GABBR1: variants seen among roughly 807,000 people sequenced by gnomAD.
GABBR1 encodes gamma-aminobutyric acid type B receptor subunit 1.
Under a neutral mutation model 117.7 loss-of-function variants are expected in GABBR1, and 35 were observed. The observed-to-expected ratio is 0.30, with a 90% CI of 0.23 to 0.39. The LOEUF (loss-of-function observed/expected upper bound fraction) is 0.39. Among genes scored for constraint, GABBR1 ranks in the 10% least tolerant of loss-of-function variants. The pLI is 1.00. For missense variants in GABBR1, 709 were observed against 1,241.8 expected (o/e 0.57, Z 6.45); for synonymous variants, 442 against 486.6 (o/e 0.91, Z 1.21).
Position 29,631,420 on chromosome 6 carries a change from C to T in GABBR1, c.265G>A (p.Asp89Asn). 6.2e-7 allele frequency: 1 copy of T among 1,614,114 alleles called. No homozygotes were observed. The highest frequency in any genetic ancestry group is 8.5e-7 in the Non-Finnish European group (1 of 1,180,028). Residue 89 changes from aspartate to asparagine, a missense_variant, in exon 3 of 23, where the codon GAT (aspartate) becomes AAT (asparagine). Physicochemically the swap from Asp to Asn is conservative, Grantham distance 23 (BLOSUM62 1). This residue lies in a region of GABBR1 where 101 missense variants were observed against 132.3 expected (regional missense o/e 0.76). Coordinates refer to ENST00000377034, the MANE Select transcript of GABBR1 (RefSeq NM_001470.4). The surrounding 1 kb of genome is among the most constrained non-coding windows in gnomAD (Gnocchi z 5.9). The part of the protein sequence containing the change: ...RKCLANGSWT[D>N]MDTPSRCVRI... ...CCACAGCGGCTGGGTGTGTCCATATCTGTCCAGGAGCCGTTGGCCAGGCAC... is the reference window on the plus strand; with the variant it reads ...CCACAGCGGCTGGGTGTGTCCATATTTGTCCAGGAGCCGTTGGCCAGGCAC...
chr6:29,627,944 T>C lies in GABBR1; in HGVS notation c.497-298A>G. 1 of 1,348,046 alleles carries C rather than the reference T, an allele frequency of 7.4e-7. No homozygotes were observed. Among genetic ancestry groups the C allele is most frequent in the Non-Finnish European group, 9.4e-7 (1 of 1,059,384 alleles). 83.5% of individuals were successfully genotyped at this position (1,348,046 alleles called of 1,614,324 possible). On this transcript the variant is annotated intron_variant, in intron 5 of 22. Coordinates refer to ENST00000377034, the MANE Select transcript of GABBR1 (RefSeq NM_001470.4). This position sits in a 1 kb window ranked among gnomAD's most constrained non-coding sequence, Gnocchi z 4.4. ...GAGGGCCCCGGAGAAGCAGGGAAGG[T>C]TGGCTTCCTACGGCCCCCGCGGCTC... is the stretch of plus-strand genomic sequence containing the variant.
Position 29,611,145 on chromosome 6 carries a change from C to G in GABBR1, c.1631-144G>C. The stretch of plus-strand genomic sequence containing the variant: ...AGGCCCTAAGGATGCTTGGAAGGAC[C>G]TACGAGACTCTTGAATCAGCAACAT... On this transcript the variant is annotated intron_variant, in intron 13 of 22. Coordinates refer to ENST00000377034, the MANE Select transcript of GABBR1 (RefSeq NM_001470.4). The surrounding 1 kb of genome is among the most constrained non-coding windows in gnomAD (Gnocchi z 4.6). The G allele has an allele frequency of 1.6e-6, 1 of 610,208 alleles. No individual in the cohort carries two copies. Among genetic ancestry groups the G allele is most frequent in the South Asian group, 2.1e-5 (1 of 47,000 alleles). 37.8% of individuals were successfully genotyped at this position (610,208 alleles called of 1,614,324 possible).
chr6:29,630,425 C>T lies in GABBR1; in HGVS notation c.475+33G>A. 6.3e-7 allele frequency: 1 copy of T among 1,584,798 alleles called. No individual in the cohort carries two copies. The highest frequency in any genetic ancestry group is 8.7e-7 in the Non-Finnish European group (1 of 1,155,802). ...ACTCCCATCCTCACACAAGCGTCCT[C>T]ATCAGCTGCATGCAGGCAGCTGTTC... is the stretch of plus-strand genomic sequence containing the variant. On this transcript the variant is annotated intron_variant, in intron 4 of 22. Coordinates refer to ENST00000377034, the MANE Select transcript of GABBR1 (RefSeq NM_001470.4). This position sits in a 1 kb window ranked among gnomAD's most constrained non-coding sequence, Gnocchi z 4.9.
chr6:29,609,609 T>C lies in GABBR1; in HGVS notation c.1709-230A>G, dbSNP rs1762330562. Among the ~76,000 whole-genome samples, 1 of 151,902 alleles carries C rather than the reference T, an allele frequency of 6.6e-6. No homozygotes were observed. The highest frequency in any genetic ancestry group is 1.9e-4 in the East Asian group (1 of 5,184). On this transcript the variant is annotated intron_variant, in intron 14 of 22. Coordinates refer to ENST00000377034, the MANE Select transcript of GABBR1 (RefSeq NM_001470.4). The surrounding 1 kb of genome is among the most constrained non-coding windows in gnomAD (Gnocchi z 4.3). The stretch of plus-strand genomic sequence containing the variant: ...CCAGAAATGAGATGAGAAGATGGAG[T>C]GAATGGTCTATCCATAGGTTGGGAA...
Position 29,627,343 on chromosome 6 carries a change from C to T in GABBR1, c.657+143G>A. 1.2e-6 allele frequency: 1 copy of T among 822,696 alleles called. No homozygotes were observed. Among genetic ancestry groups the T allele is most frequent in the Non-Finnish European group, 1.9e-6 (1 of 530,614 alleles). 51.0% of individuals were successfully genotyped at this position (822,696 alleles called of 1,614,324 possible). A position where few individuals can be genotyped will look rare whatever the true frequency, so the allele number is the denominator to read the frequency against. On this transcript the variant is annotated intron_variant, in intron 6 of 22. Transcript: ENST00000377034. The surrounding 1 kb of genome is among the most constrained non-coding windows in gnomAD (Gnocchi z 4.4). ...GACTCTCCCCAAGCTCCTGCACCCC[C>T]AGCCCATCTCCTGCCAGTCACACAA...
At chr6:29,628,240 G>T in intron 5 of GABBR1, 1 of 951,542 alleles carries the variant, frequency 1.1e-6, no homozygotes, top group Non-Finnish European at 1.2e-6. Flanking sequence ...AAGAGGAAGG[G>T]AGGGATCTCA....
rs1159335670 is a variant in GABBR1 at position 29,623,056 on chromosome 6, CTA to C, written c.963+247_963+248del. On this transcript the variant is annotated intron_variant, in intron 8 of 22. Coordinates refer to ENST00000377034, the MANE Select transcript of GABBR1 (RefSeq NM_001470.4). This position sits in a 1 kb window ranked among gnomAD's most constrained non-coding sequence, Gnocchi z 6.2. ...TTAACAGAACTGAGTCATTCTGGGTCTATATGTCTGGGGAACAGGGCATCAAA... is the reference window on the plus strand; with the variant it reads ...TTAACAGAACTGAGTCATTCTGGGTCTATGTCTGGGGAACAGGGCATCAAA... Among the ~76,000 whole-genome samples the C allele has an allele frequency of 6.6e-6, 1 of 152,002 alleles. No homozygotes were observed. Among genetic ancestry groups the C allele is most frequent in the African/African-American group, 2.4e-5 (1 of 41,356 alleles).
In GABBR1 at chr6:29,627,858, G is replaced by T. The variant is rs1162414073; in HGVS notation, c.497-212C>A. 7.2e-7 allele frequency: 1 copy of T among 1,393,668 alleles called. No homozygotes were observed. Among genetic ancestry groups the T allele is most frequent in the Non-Finnish European group, 9.3e-7 (1 of 1,080,220 alleles). The allele number at this position is 1,393,668 out of a possible 1,614,324, so 86.3% of individuals were successfully genotyped here. ...TCAGGGGGGACACTTTTCCTGGGGAGGGCTGCTAAGAGGGTGCCGGGGAGG... is the reference window on the plus strand; with the variant it reads ...TCAGGGGGGACACTTTTCCTGGGGATGGCTGCTAAGAGGGTGCCGGGGAGG... On this transcript the variant is annotated intron_variant, in intron 5 of 22. Transcript: ENST00000377034. This position sits in a 1 kb window ranked among gnomAD's most constrained non-coding sequence, Gnocchi z 4.4.
intron 6 of GABBR1, among the ~76,000 whole-genome samples, chr6:29,625,740 G>A (rs1223475034): frequency 1.3e-5 from 2 of 152,098 alleles, no homozygotes; most frequent in Non-Finnish European, 2.9e-5. Flanking sequence ...CACCTGTCAT[G>A]GTGGATGAGT....
chr6:29,627,802 G>T lies in GABBR1; in HGVS notation c.497-156C>A. ...GGCCCCGGGCCCCATGGCGTGGGGG[G>T]CAGGGGTAGCTGTTGGGGAGCGTTA... On this transcript the variant is annotated intron_variant, in intron 5 of 22. Transcript: ENST00000377034. This position sits in a 1 kb window ranked among gnomAD's most constrained non-coding sequence, Gnocchi z 4.4. 2 of 1,432,784 alleles carry T rather than the reference G, an allele frequency of 1.4e-6. No homozygotes were observed. Among genetic ancestry groups the T allele is most frequent in the Non-Finnish European group, 1.8e-6 (2 of 1,095,204 alleles). The allele number at this position is 1,432,784 out of a possible 1,614,324, so 88.8% of individuals were successfully genotyped here.
Position 29,630,791 on chromosome 6 carries a change from C to T in GABBR1, c.290-148G>A. The T allele has an allele frequency of 1.6e-6, 1 of 643,146 alleles. No homozygotes were observed. The highest frequency in any genetic ancestry group is 2.7e-5 in the East Asian group (1 of 36,384). The allele number at this position is 643,146 out of a possible 1,614,324, so 39.8% of individuals were successfully genotyped here. Reference sequence around the variant, plus strand: ...TGAAAAGGATTTGCCTACCTATCTTCCAATCCTCCCTTACCTGTGCAAGCA... The same window carrying T: ...TGAAAAGGATTTGCCTACCTATCTTTCAATCCTCCCTTACCTGTGCAAGCA... On this transcript the variant is annotated intron_variant, in intron 3 of 22. Transcript: ENST00000377034. This position sits in a 1 kb window ranked among gnomAD's most constrained non-coding sequence, Gnocchi z 4.9.
chr6:29,615,929 C>T (rs900947482), intron 11 of GABBR1, among the ~76,000 whole-genome samples: 1 of 151,034 alleles, frequency 6.6e-6, no homozygotes, highest in Middle Eastern at 3.5e-3. Context: ...TAGCTGGGCA[C>T]GGTGGCTCAC....
Position 29,604,866 on chromosome 6 carries a change from C to T in GABBR1, c.2562G>A (p.Val854=), listed in dbSNP as rs369743030. 8 of 1,611,850 alleles carry T rather than the reference C, an allele frequency of 5.0e-6. No individual in the cohort carries two copies. The African/African-American group carries it at 9.4e-5, about 19-fold the overall frequency. Residue 854 remains valine (V), a synonymous_variant, in exon 21 of 23, where the codon GTG becomes GTA. Transcript: ENST00000377034. The surrounding 1 kb of genome is among the most constrained non-coding windows in gnomAD (Gnocchi z 5.3). ...SSYITLVVLF[V]PKMRRLITRG... is the part of the protein sequence containing the mutation. ...AGAAAAGCCAGATCCTTACCTTGGGCACAAAGAGCACAACAAGAGTGATAT... is the reference window on the plus strand; with the variant it reads ...AGAAAAGCCAGATCCTTACCTTGGGTACAAAGAGCACAACAAGAGTGATAT...
Position 29,607,038 on chromosome 6 carries a change from G to C in GABBR1, c.2110-34C>G. 6.2e-7 allele frequency: 1 copy of C among 1,610,452 alleles called. No homozygotes were observed. Among genetic ancestry groups the C allele is most frequent in the South Asian group, 1.1e-5 (1 of 91,026 alleles). On this transcript the variant is annotated intron_variant, in intron 17 of 22. Transcript: ENST00000377034. This position sits in a 1 kb window ranked among gnomAD's most constrained non-coding sequence, Gnocchi z 5.0. The stretch of plus-strand genomic sequence containing the variant: ...ATATGTGGGGAGAACAGGCACGTCA[G>C]GGGAAAATGCTCTGTGCCCCAGGAG...
rs28751302 is a variant in GABBR1, at chr6:29,615,609, T to TAAA, written c.1324-2127_1324-2125dup. Among the ~76,000 whole-genome samples, 165 of 121,412 alleles carry TAAA rather than the reference T, an allele frequency of 1.4e-3. 2 individuals carry two copies. The highest frequency in any genetic ancestry group is 4.2e-3 in the Middle Eastern group (1 of 236). 79.7% of individuals were successfully genotyped at this position (121,412 alleles called of 152,430 possible). ...GGGCGATGGAGTGAGACTCTGCCTT[T>TAAA]AAAAAAAAAAAAAAAAAAAGGCAGC... On this transcript the variant is annotated intron_variant, in intron 11 of 22. Transcript: ENST00000377034.
Position 29,609,132 on chromosome 6 carries a change from G to A in GABBR1, c.1859+97C>T. ...AGAATGAAAAACTCCATGATACATGGCCATGGGAGTTACACAGGTTTTATT... is the reference window on the plus strand; with the variant it reads ...AGAATGAAAAACTCCATGATACATGACCATGGGAGTTACACAGGTTTTATT... On this transcript the variant is annotated intron_variant, in intron 15 of 22. Transcript: ENST00000377034. The surrounding 1 kb of genome is among the most constrained non-coding windows in gnomAD (Gnocchi z 4.3). The A allele has an allele frequency of 2.5e-6, 3 of 1,184,094 alleles. No individual in the cohort carries two copies. The highest frequency in any genetic ancestry group is 1.2e-6 in the Non-Finnish European group (1 of 823,546). The allele number at this position is 1,184,094 out of a possible 1,614,324, so 73.3% of individuals were successfully genotyped here.
rs547463198 is a variant in GABBR1 at position 29,632,692 on chromosome 6, G to A, written c.-1+158C>T. 5.9e-6 allele frequency: 8 copies of A among 1,361,486 alleles called. No homozygotes were observed. In the East Asian group the frequency reaches 2.6e-4, roughly 44 times the overall value. 84.3% of individuals were successfully genotyped at this position (1,361,486 alleles called of 1,614,324 possible). A position where few individuals can be genotyped will look rare whatever the true frequency, so the allele number is the denominator to read the frequency against. On this transcript the variant is annotated intron_variant, in intron 1 of 22. Transcript: ENST00000377034. The surrounding 1 kb of genome is among the most constrained non-coding windows in gnomAD (Gnocchi z 5.8). ...AGAAGCCTGGCTTACCCACGCTCCC[G>A]GCATCGGCCGCCTCAGCGCTCCCCG...
At chr6:29,625,612 T>C (rs906776420) in intron 6 of GABBR1, among the ~76,000 whole-genome samples, 2 of 152,114 alleles carry the variant, frequency 1.3e-5, no homozygotes, top group African/African-American at 4.8e-5. Context: ...AACCGACTCA[T>C]TCCAATTGAC....
At chr6:29,618,396 T>C (rs887210170) in intron 11 of GABBR1, among the ~76,000 whole-genome samples, 2 of 152,164 alleles carry the variant, frequency 1.3e-5, no homozygotes, top group South Asian at 2.1e-4. Flanking sequence ...GATACAGTTA[T>C]AGATTGTCAA....
Sources: allele counts gnomAD v4.1 joint callset (sites outside exome capture counted in the v4.1 genomes callset), GRCh38; gene constraint gnomAD v4.1.1; regional missense constraint gnomAD v4.1.1; non-coding constraint Gnocchi (gnomAD v3.1); transcripts MANE v1.5; gene names NCBI Gene and HGNC (gene_info 2026-07-23, HGNC 2026-07-21).